Variants in L3MBTL4 observed in about 807,000 individuals in gnomAD.
L3MBTL4 encodes the protein L3MBTL histone methyl-lysine binding protein 4.
Under a neutral mutation model 84.5 loss-of-function variants are expected in L3MBTL4, and 70 were observed. The ratio of observed to expected loss-of-function variants is 0.83; its 90% confidence interval spans 0.68 to 1.01. L3MBTL4 has a LOEUF of 1.01. Ranked by LOEUF, L3MBTL4 falls within the 50% of genes least tolerant of loss-of-function variation. The probability of loss-of-function intolerance (pLI) is 0.00; values close to 1 mark genes in which losing one functional copy is unlikely to be tolerated. For missense variants in L3MBTL4, 715 were observed against 754.8 expected (o/e 0.95, Z 0.62); for synonymous variants, 274 against 259.8 (o/e 1.05, Z -0.52).
chr18:6,088,216 A>G (rs1367435723), intron 15 of L3MBTL4, among the ~76,000 whole-genome samples: 1 of 152,128 alleles, frequency 6.6e-6, no homozygotes, highest in African/African-American at 2.4e-5. Flanking sequence ...AAAGGATAGG[A>G]CTGGCCTTAG....
intron 16 of L3MBTL4, among the ~76,000 whole-genome samples, chr18:5,994,295 C>T (rs910976479): frequency 1.3e-5 from 2 of 152,186 alleles, no homozygotes; most frequent in African/African-American, 4.8e-5. Flanking sequence ...GGCCTGTGTC[C>T]GTCTCACTTA....
intron 4 of L3MBTL4, among the ~76,000 whole-genome samples, chr18:6,276,520 A>G (rs1183575581): frequency 6.6e-6 from 1 of 152,194 alleles, no homozygotes; most frequent in Non-Finnish European, 1.5e-5. Context: ...GCTAAGGGCT[A>G]AGAATACAGT....
rs186328534 is a variant in L3MBTL4 at position 6,223,622 on chromosome 18, G to T, written c.785-7787C>A. On this transcript the variant is annotated intron_variant, in intron 10 of 18. Coordinates refer to ENST00000317931, the MANE Select transcript of L3MBTL4 (RefSeq NM_001330559.2). ...AATCCACAAAATACGTACAGTATAA[G>T]ATGATGGCTTTTCCTCTTGGTAAGA... Among the ~76,000 whole-genome samples the T allele has an allele frequency of 5.8e-4, 89 of 152,330 alleles. 2 individuals carry two copies. The East Asian group carries it at 0.017, about 29-fold the overall frequency.
intron 10 of L3MBTL4, among the ~76,000 whole-genome samples, chr18:6,219,911 C>G (rs1484985429): frequency 1.3e-5 from 2 of 151,968 alleles, no homozygotes; most frequent in Non-Finnish European, 2.9e-5. Context: ...TGTGAAAAAG[C>G]TGGGATCAGC....
intron 14 of L3MBTL4, among the ~76,000 whole-genome samples, chr18:6,116,594 C>T (rs1403586583): frequency 1.3e-5 from 2 of 152,022 alleles, no homozygotes; most frequent in Non-Finnish European, 2.9e-5. Context: ...AAACTCCTGA[C>T]CTTAGGTGAT....
At chr18:6,021,372 C>T (rs1399757071) in intron 16 of L3MBTL4, among the ~76,000 whole-genome samples, 1 of 152,022 alleles carries the variant, frequency 6.6e-6, no homozygotes, top group Non-Finnish European at 1.5e-5. Context: ...GGAGGCACTG[C>T]CAATAAATAT....
chr18:6,078,622 T>C (rs897812850), intron 16 of L3MBTL4, among the ~76,000 whole-genome samples: 43 of 152,172 alleles, frequency 2.8e-4, no homozygotes, highest in Admixed American at 2.8e-3. Context: ...TGCTTTATAA[T>C]AATGGGGATT....
chr18:6,347,158 C>T (rs1465419439), intron 1 of L3MBTL4, among the ~76,000 whole-genome samples: 3 of 151,738 alleles, frequency 2.0e-5, no homozygotes, highest in East Asian at 1.9e-4. Context: ...ATGATGGTGC[C>T]GGGAGCTGAG....
chr18:5,974,022 A>G (rs766265695), intron 16 of L3MBTL4, among the ~76,000 whole-genome samples: 6 of 152,232 alleles, frequency 3.9e-5, no homozygotes, highest in South Asian at 2.1e-4. Flanking sequence ...CACCAATGTG[A>G]CAATAAATAA....
chr18:6,378,895 T>C (rs1442926129), intron 1 of L3MBTL4, among the ~76,000 whole-genome samples: 1 of 152,210 alleles, frequency 6.6e-6, no homozygotes, highest in Non-Finnish European at 1.5e-5. Flanking sequence ...ATTGAATCTA[T>C]AAATTATTTT....
chr18:6,037,029 G>T (rs2056173039), intron 16 of L3MBTL4, among the ~76,000 whole-genome samples: 1 of 152,210 alleles, frequency 6.6e-6, no homozygotes, highest in Non-Finnish European at 1.5e-5. Context: ...TATTCCCTGA[G>T]TCACTTCAGT....
intron 14 of L3MBTL4, among the ~76,000 whole-genome samples, chr18:6,102,953 G>A (rs1330650843): frequency 1.3e-5 from 2 of 152,202 alleles, no homozygotes; most frequent in Admixed American, 1.3e-4. Flanking sequence ...GAGAGTGTGT[G>A]TGTGTATACT....
At chr18:6,261,932 T>G (rs574531283) in intron 5 of L3MBTL4, among the ~76,000 whole-genome samples, 1 of 152,278 alleles carries the variant, frequency 6.6e-6, no homozygotes, top group Non-Finnish European at 1.5e-5. Context: ...CACTTCACCC[T>G]TAACACCCAA....
At position 5,972,181 on chromosome 18, in the gene L3MBTL4, C is replaced by T. The variant is rs1047200869; in HGVS notation, c.1445-2619G>A. Among the ~76,000 whole-genome samples the T allele has an allele frequency of 2.0e-5, 3 of 152,112 alleles. No individual in the cohort carries two copies. The South Asian group carries it at 6.2e-4, about 32-fold the overall frequency. Reference sequence around the variant, plus strand: ...AGGGCTTGTGTCTGTTTACAGGCAACCTCAAGTTCTGGGAAATGCTTGCCA... The same window carrying T: ...AGGGCTTGTGTCTGTTTACAGGCAATCTCAAGTTCTGGGAAATGCTTGCCA... On this transcript the variant is annotated intron_variant, in intron 16 of 18. Transcript: ENST00000317931.
intron 12 of L3MBTL4, among the ~76,000 whole-genome samples, chr18:6,187,866 CAAA>C (rs36013917): frequency 1.1e-4 from 11 of 96,894 alleles, no homozygotes; most frequent in East Asian, 3.0e-4. Flanking sequence ...CTCTTGGTAC[CAAA>C]AAAAAAAAAA....
intron 5 of L3MBTL4, among the ~76,000 whole-genome samples, chr18:6,250,024 C>G (rs531074445): frequency 6.6e-6 from 1 of 152,324 alleles, no homozygotes; most frequent in Admixed American, 6.5e-5. Context: ...AAAACGAAAC[C>G]TGGCTAGAGG....
chr18:6,172,425 G>A lies in L3MBTL4; in HGVS notation c.982-483C>T, dbSNP rs567036090. ...CCTAAAACCTCACAAATGAGAGACGGGCCCATTGGAACCATGGAGGCAAAA... is the reference window on the plus strand; with the variant it reads ...CCTAAAACCTCACAAATGAGAGACGAGCCCATTGGAACCATGGAGGCAAAA... On this transcript the variant is annotated intron_variant, in intron 12 of 18. Transcript: ENST00000317931. Among the ~76,000 whole-genome samples, 7 of 152,168 alleles carry A rather than the reference G, an allele frequency of 4.6e-5. No homozygotes were observed. In the East Asian group the frequency reaches 1.4e-3, roughly 29 times the overall value.
chr18:6,147,959 A>G (rs1224466705), intron 13 of L3MBTL4, among the ~76,000 whole-genome samples: 1 of 152,222 alleles, frequency 6.6e-6, no homozygotes, highest in African/African-American at 2.4e-5. Context: ...AGGATCCCAG[A>G]AAAGGATGAC....
At chr18:6,169,736 A>G (rs2043871591) in intron 13 of L3MBTL4, among the ~76,000 whole-genome samples, 1 of 151,860 alleles carries the variant, frequency 6.6e-6, no homozygotes, top group African/African-American at 2.4e-5. Context: ...CTAAATGGCG[A>G]GTTAATGGGT....
Sources: allele counts gnomAD v4.1 joint callset (sites outside exome capture counted in the v4.1 genomes callset), GRCh38; gene constraint gnomAD v4.1.1; transcripts MANE v1.5; gene names NCBI Gene and HGNC (gene_info 2026-07-23, HGNC 2026-07-21).